Variants in SH3RF1 observed in about 807,000 individuals in gnomAD.
The protein encoded by SH3RF1 is E3 ubiquitin-protein ligase SH3RF1.
Under a neutral mutation model 74.0 loss-of-function variants are expected in SH3RF1, and 32 were observed. That is an observed-to-expected ratio of 0.43 (90% CI 0.33 to 0.58). The LOEUF (loss-of-function observed/expected upper bound fraction) is 0.58. Among genes scored for constraint, SH3RF1 ranks in the 20% least tolerant of loss-of-function variants. SH3RF1 has a pLI of 0.05. For missense variants in SH3RF1, 954 were observed against 1,130.9 expected, an observed-to-expected ratio of 0.84 and a Z score of 2.24; for synonymous variants, 396 against 439.6, an observed-to-expected ratio of 0.90 and a Z score of 1.24.
chr4:169,174,218 T>C (rs1319845995), intron 2 of SH3RF1, among the ~76,000 whole-genome samples: 6 of 152,168 alleles, frequency 3.9e-5, no homozygotes, highest in Non-Finnish European at 7.4e-5. Flanking sequence ...CGTACCAGCA[T>C]ACCTGGCTAA....
In SH3RF1 at chr4:169,197,640, G is replaced by A. The variant is rs1389794470; in HGVS notation, c.394-40961C>T. Among the ~76,000 whole-genome samples, 107 of 93,732 alleles carry A rather than the reference G, an allele frequency of 1.1e-3. 1 individual carries two copies. The highest frequency in any genetic ancestry group is 1.9e-3 in the South Asian group (5 of 2,612). 61.5% of individuals were successfully genotyped at this position (93,732 alleles called of 152,430 possible). A position where few individuals can be genotyped will look rare whatever the true frequency, so the allele number is the denominator to read the frequency against. ...ACTCTGTCTCAAAAAAAAAAAAAAA[G>A]CCCACCTTAGAATAATTGTGTTTGT... On this transcript the variant is annotated intron_variant, in intron 2 of 11. Transcript: ENST00000284637.
chr4:169,195,098 A>C (rs1199185180), intron 2 of SH3RF1, among the ~76,000 whole-genome samples: 2 of 152,192 alleles, frequency 1.3e-5, no homozygotes, highest in Admixed American at 1.3e-4. Flanking sequence ...TCCTTTAGCT[A>C]AAGTCTGTTT....
At chr4:169,097,344 A>G (rs1732949527) in intron 11 of SH3RF1, among the ~76,000 whole-genome samples, 1 of 152,230 alleles carries the variant, frequency 6.6e-6, no homozygotes, top group Non-Finnish European at 1.5e-5. Flanking sequence ...GGCTATGGCC[A>G]CAAGTTCAAT....
At chr4:169,257,051 G>A (rs145786012) in intron 2 of SH3RF1, among the ~76,000 whole-genome samples, 2 of 152,274 alleles carry the variant, frequency 1.3e-5, no homozygotes, top group East Asian at 1.9e-4. Flanking sequence ...TCACAAACTT[G>A]GAAAGCAGCT....
At chr4:169,128,841 G>A (rs1398652864) in intron 6 of SH3RF1, among the ~76,000 whole-genome samples, 1 of 152,058 alleles carries the variant, frequency 6.6e-6, no homozygotes, top group African/African-American at 2.4e-5. Context: ...CCTATTCCTG[G>A]TACAGACAGC....
intron 2 of SH3RF1, among the ~76,000 whole-genome samples, chr4:169,226,215 A>AC (rs758235038): frequency 2.5e-4 from 38 of 151,908 alleles, no homozygotes; most frequent in Non-Finnish European, 4.0e-4. Flanking sequence ...TGAATGAAGA[A>AC]CCCCCCAGAC....
intron 2 of SH3RF1, among the ~76,000 whole-genome samples, chr4:169,169,130 G>C (rs1734288047): frequency 6.6e-6 from 1 of 152,100 alleles, no homozygotes; most frequent in African/African-American, 2.4e-5. Context: ...CTTCAAAGGA[G>C]CATTCTTCTA....
chr4:169,143,606 C>T (rs1733822163), intron 4 of SH3RF1, among the ~76,000 whole-genome samples: 1 of 152,172 alleles, frequency 6.6e-6, no homozygotes, highest in Non-Finnish European at 1.5e-5. Context: ...TTTCTGACGC[C>T]TCCTGGGTCC....
intron 2 of SH3RF1, among the ~76,000 whole-genome samples, chr4:169,250,850 G>T (rs964625651): frequency 6.6e-6 from 1 of 152,178 alleles, no homozygotes; most frequent in Non-Finnish European, 1.5e-5. Context: ...CCCTTATAAG[G>T]AAGAGACATT....
intron 2 of SH3RF1, among the ~76,000 whole-genome samples, chr4:169,189,804 G>C (rs983904923): frequency 6.6e-6 from 1 of 152,072 alleles, no homozygotes; most frequent in East Asian, 1.9e-4. Context: ...AGTATGAAAA[G>C]CACCTAATGC....
At position 169,211,481 on chromosome 4, in the gene SH3RF1, C is replaced by CAA. The variant is rs760721489; in HGVS notation, c.394-54804_394-54803dup. Among the ~76,000 whole-genome samples the CAA allele has an allele frequency of 6.7e-3, 604 of 90,622 alleles. 12 individuals carry two copies. Among genetic ancestry groups the CAA allele is most frequent in the Middle Eastern group, 0.011 (2 of 176 alleles). 59.5% of individuals were successfully genotyped at this position (90,622 alleles called of 152,430 possible). On this transcript the variant is annotated intron_variant, in intron 2 of 11. Transcript: ENST00000284637. Reference sequence around the variant, plus strand: ...TGGGCAACAGAGCGAGACTCCGTCTCAAAAAAAAAAAAAAAAAAAGAAGAA... The same window carrying CAA: ...TGGGCAACAGAGCGAGACTCCGTCTCAAAAAAAAAAAAAAAAAAAAAGAAGAA...
intron 4 of SH3RF1, among the ~76,000 whole-genome samples, chr4:169,139,064 G>C (rs1733743246): frequency 6.6e-6 from 1 of 152,126 alleles, no homozygotes; most frequent in South Asian, 2.1e-4. Context: ...CAATCCTCTT[G>C]CCTCAACCTC....
At position 169,116,608 on chromosome 4, in the gene SH3RF1, G is replaced by A. The variant is rs752763208; in HGVS notation, c.1800C>T (p.Arg600=). ...GGATGGGTGTCACTGCTGCCGTGGG[G>A]CGTTCCTGGTTGTGCGCTGCAACTA... ...VRTVAAHNQE[R]PTAAVTPIQV... The change falls in exon 10 of 12, where the codon CGC becomes CGT. Residue 600 remains arginine (R), a synonymous_variant. Transcript: ENST00000284637. The A allele has an allele frequency of 5.1e-6, 8 of 1,556,150 alleles. No homozygotes were observed. Among genetic ancestry groups the A allele is most frequent in the Middle Eastern group, 1.9e-4 (1 of 5,172 alleles).
intron 2 of SH3RF1, among the ~76,000 whole-genome samples, chr4:169,219,249 G>C (rs937818700): frequency 6.6e-6 from 1 of 152,132 alleles, no homozygotes; most frequent in African/African-American, 2.4e-5. Flanking sequence ...ATACATACTG[G>C]CAACCCTAAA....
At chr4:169,146,590 A>G (rs1220072834) in intron 4 of SH3RF1, among the ~76,000 whole-genome samples, 2 of 152,212 alleles carry the variant, frequency 1.3e-5, no homozygotes, top group Non-Finnish European at 2.9e-5. Context: ...TGACAAAAAC[A>G]AGAGCTAAGA....
In SH3RF1 at chr4:169,096,423, A is replaced by G. The variant is rs1732931567; in HGVS notation, c.*96T>C. The G allele has an allele frequency of 1.5e-6, 2 of 1,338,928 alleles. No homozygotes were observed. Among genetic ancestry groups the G allele is most frequent in the Admixed American group, 4.1e-5 (2 of 49,080 alleles). 82.9% of individuals were successfully genotyped at this position (1,338,928 alleles called of 1,614,324 possible). On this transcript the variant is annotated 3_prime_UTR_variant, in exon 12 of 12. Coordinates refer to ENST00000284637, the MANE Select transcript of SH3RF1 (RefSeq NM_020870.4). Reference sequence around the variant, plus strand: ...ATACCAATCCTTTGCTCATCTCCTGACCATCTGGAAGTCCACAAATGTGCT... The same window carrying G: ...ATACCAATCCTTTGCTCATCTCCTGGCCATCTGGAAGTCCACAAATGTGCT...
intron 6 of SH3RF1, among the ~76,000 whole-genome samples, chr4:169,128,622 C>T (rs1433604601): frequency 6.6e-6 from 1 of 151,962 alleles, no homozygotes; most frequent in African/African-American, 2.4e-5. Flanking sequence ...TGTATCAAGA[C>T]AAAATAAATA....
At chr4:169,201,800 T>A (rs1311737391) in intron 2 of SH3RF1, 1 of 152,134 alleles carries the variant, frequency 6.6e-6, no homozygotes, top group African/African-American at 2.4e-5. Context: ...AAGTCAAAGA[T>A]TTACTATTAA....
At chr4:169,182,581 C>T (rs921090367) in intron 2 of SH3RF1, among the ~76,000 whole-genome samples, 3 of 152,158 alleles carry the variant, frequency 2.0e-5, no homozygotes, top group Non-Finnish European at 2.9e-5. Context: ...CTATCACAGA[C>T]TAATTTGGGG....
Sources: gnomAD v4.1 joint callset for allele counts (sites outside exome capture counted in the v4.1 genomes callset) on GRCh38, gnomAD v4.1.1 for gene constraint, MANE v1.5 for transcripts, NCBI Gene and HGNC (gene_info 2026-07-23, HGNC 2026-07-21) for gene names.